The following ADGRL2 variants were observed in gnomAD, a reference collection of about 807,000 sequenced individuals.
The protein encoded by ADGRL2 is calcium-independent alpha-latrotoxin receptor 2.
Under a neutral mutation model 157.4 loss-of-function variants are expected in ADGRL2, and 44 were observed. The ratio of observed to expected loss-of-function variants is 0.28; its 90% confidence interval spans 0.22 to 0.36. ADGRL2 has a LOEUF of 0.36. Ranked by LOEUF, ADGRL2 falls within the 10% of genes least tolerant of loss-of-function variation. ADGRL2 has a pLI of 1.00. For missense variants in ADGRL2, 1,510 were observed against 1,768.9 expected (o/e 0.85, Z 2.63); for synonymous variants, 585 against 624.7 (o/e 0.94, Z 0.95).
chr1:81,402,018 G>A (rs1354439639), intron 1 of ADGRL2, among the ~76,000 whole-genome samples: 1 of 152,130 alleles, frequency 6.6e-6, no homozygotes, highest in East Asian at 1.9e-4. Context: ...GCAATTCCAA[G>A]AGATGTAAAC....
At chr1:81,980,402 T>G (rs1488809785) in intron 18 of ADGRL2, among the ~76,000 whole-genome samples, 1 of 151,792 alleles carries the variant, frequency 6.6e-6, no homozygotes, top group Non-Finnish European at 1.5e-5. Context: ...GTTGTTTTCA[T>G]GCTAAACAAA....
intron 2 of ADGRL2, among the ~76,000 whole-genome samples, chr1:81,866,153 AAAACATGTTAC>A (rs2093537192): frequency 6.6e-6 from 1 of 152,202 alleles, no homozygotes; most frequent in South Asian, 2.1e-4. Context: ...TCTTCTTTCT[AAAACATGTTAC>A]ATTTTTTCTT....
chr1:81,444,161 G>A (rs182644012), intron 1 of ADGRL2, among the ~76,000 whole-genome samples: 2 of 152,318 alleles, frequency 1.3e-5, no homozygotes, highest in African/African-American at 2.4e-5. Flanking sequence ...TTTGCCTTAG[G>A]AAATATGTAA....
chr1:81,342,569 C>T (rs35612825), intron 1 of ADGRL2, among the ~76,000 whole-genome samples: 18,878 of 151,986 alleles, frequency 0.12, 1,748 homozygotes, highest in African/African-American at 0.26. Context: ...TAACCAAGTA[C>T]CAGTGGAATT....
At chr1:81,624,368 G>A (rs1325418445) in intron 3 of ADGRL2, among the ~76,000 whole-genome samples, 1 of 152,012 alleles carries the variant, frequency 6.6e-6, no homozygotes, top group Non-Finnish European at 1.5e-5. Context: ...ATCACTTGAG[G>A]CCAGGAGTTC....
At chr1:81,840,449 A>G (rs2092524688) in intron 2 of ADGRL2, among the ~76,000 whole-genome samples, 1 of 152,220 alleles carries the variant, frequency 6.6e-6, no homozygotes, top group South Asian at 2.1e-4. Flanking sequence ...TGAGACATAC[A>G]TTTCCAAATT....
At chr1:81,423,640 CTTA>C (rs1255855190) in intron 1 of ADGRL2, among the ~76,000 whole-genome samples, 2 of 152,162 alleles carry the variant, frequency 1.3e-5, no homozygotes, top group African/African-American at 4.8e-5. Flanking sequence ...TCTGTTTACT[CTTA>C]TTTTCTTATT....
At chr1:81,609,594 C>G (rs1401991997) in intron 3 of ADGRL2, among the ~76,000 whole-genome samples, 1 of 152,176 alleles carries the variant, frequency 6.6e-6, no homozygotes, top group Non-Finnish European at 1.5e-5. Context: ...AAAACCCGTT[C>G]TGTGTCTTGA....
rs532452813 is a variant in ADGRL2 at position 81,749,543 on chromosome 1, C to A, written c.-142-12268C>A. Among the ~76,000 whole-genome samples, 24 of 152,120 alleles carry A rather than the reference C, an allele frequency of 1.6e-4. No homozygotes were observed. The South Asian group carries it at 5.0e-3, about 32-fold the overall frequency. ...ATGGTAAGCTCCATCAGGACAGGAA[C>A]TTTGAGAGATTTTTATTTTCTTGAA... On this transcript the variant is annotated intron_variant, in intron 1 of 20. Coordinates refer to the ADGRL2 transcript ENST00000359929.
intron 1 of ADGRL2, among the ~76,000 whole-genome samples, chr1:81,742,396 A>G (rs1478458211): frequency 6.6e-6 from 1 of 152,028 alleles, no homozygotes; most frequent in African/African-American, 2.4e-5. Flanking sequence ...AAAAAAGAGA[A>G]AAGGAAAAAG....
At chr1:81,932,954 G>A (rs532788237) in intron 3 of ADGRL2, among the ~76,000 whole-genome samples, 8 of 152,134 alleles carry the variant, frequency 5.3e-5, no homozygotes, top group South Asian at 4.1e-4. Context: ...CACCCACCTC[G>A]GCCTCCCAAA....
intron 1 of ADGRL2, among the ~76,000 whole-genome samples, chr1:81,319,790 T>C (rs1240976056): frequency 6.6e-6 from 1 of 152,218 alleles, no homozygotes; most frequent in African/African-American, 2.4e-5. Context: ...CTGAGCTTTC[T>C]GCAGTCATAA....
At chr1:81,614,794 G>C (rs2081609072) in intron 3 of ADGRL2, among the ~76,000 whole-genome samples, 1 of 151,652 alleles carries the variant, frequency 6.6e-6, no homozygotes, top group African/African-American at 2.4e-5. Context: ...GGAAGCGGAG[G>C]CAGATGTTCA....
intron 1 of ADGRL2, among the ~76,000 whole-genome samples, chr1:81,411,701 A>T (rs2076948051): frequency 6.6e-6 from 1 of 152,062 alleles, no homozygotes; most frequent in Non-Finnish European, 1.5e-5. Flanking sequence ...GACCACGGTG[A>T]AACCCCATCT....
chr1:81,700,268 G>A (rs1044086061), intron 1 of ADGRL2, among the ~76,000 whole-genome samples: 3 of 152,180 alleles, frequency 2.0e-5, no homozygotes. Context: ...AAAGGAGATG[G>A]CTTTATTGTG....
At chr1:81,950,539 T>G (rs1441737854) in intron 7 of ADGRL2, 57 bp downstream of exon 7, 1 of 1,424,798 alleles carries the variant, frequency 7.0e-7, no homozygotes, top group Non-Finnish European at 9.6e-7. Context: ...AGGTTCTGTA[T>G]TACAGTGAAG....
At chr1:81,827,869 ACT>A (rs1221194070) in intron 1 of ADGRL2, among the ~76,000 whole-genome samples, 1 of 151,494 alleles carries the variant, frequency 6.6e-6, no homozygotes, top group Non-Finnish European at 1.5e-5. Flanking sequence ...CTGGCCTGAA[ACT>A]CTAATTTGTT....
intron 10 of ADGRL2, among the ~76,000 whole-genome samples, chr1:81,955,015 C>T (rs953688735): frequency 7.2e-5 from 11 of 152,092 alleles, no homozygotes; most frequent in African/African-American, 1.2e-4. Context: ...ATAGTCAGTG[C>T]GTAGCTACAG....
chr1:81,877,024 A>T (rs2151128183), intron 2 of ADGRL2, among the ~76,000 whole-genome samples: 1 of 152,280 alleles, frequency 6.6e-6, no homozygotes, highest in Non-Finnish European at 1.5e-5. Flanking sequence ...CCAACCGCTC[A>T]TTCTACAATA....
Sources: allele counts gnomAD v4.1 joint callset (sites outside exome capture counted in the v4.1 genomes callset), GRCh38; gene constraint gnomAD v4.1.1; transcripts MANE v1.5; gene names NCBI Gene and HGNC (gene_info 2026-07-23, HGNC 2026-07-21).